EPB41L1: variants seen among roughly 807,000 people sequenced by gnomAD.
EPB41L1 encodes the protein band 4.1-like protein 1.
A neutral mutation model predicts 97.8 loss-of-function variants in EPB41L1; 29 were observed. That is an observed-to-expected ratio of 0.30 (90% CI 0.22 to 0.40). EPB41L1 has a LOEUF of 0.40. EPB41L1 is among the 10% of genes least tolerant of loss of function. The pLI is 1.00. For synonymous variants in EPB41L1, 383 were observed against 459.2 expected (o/e 0.83, Z 2.12); for missense variants, 812 against 1,162.3 (o/e 0.70, Z 4.38).
In EPB41L1 at chr20:36,195,503, C is replaced by T; in HGVS notation, c.1485+139C>T. 9.8e-7 allele frequency: 1 copy of T among 1,024,710 alleles called. No individual in the cohort carries two copies. The highest frequency in any genetic ancestry group is 1.5e-6 in the Non-Finnish European group (1 of 670,450). The allele number at this position is 1,024,710 out of a possible 1,614,324, so 63.5% of individuals were successfully genotyped here. On this transcript the variant is annotated intron_variant, in intron 13 of 21. Coordinates refer to ENST00000338074, the MANE Select transcript of EPB41L1 (RefSeq NM_012156.2). The surrounding 1 kb of genome is among the most constrained non-coding windows in gnomAD (Gnocchi z 4.6). ...TCATCTCTGCTCCCCAGCCATCCCC[C>T]TCTGCAGCCGTCCTTGCTCCCCACT... is the stretch of plus-strand genomic sequence containing the variant.
chr20:36,206,770 G>C lies in EPB41L1; in HGVS notation c.1669-2718G>C, dbSNP rs1367919087. ...AGATGCCCAGTGGGGAGTGGAAGGA[G>C]AGTTTCCCCACCTGACAGCCAGCGC... On this transcript the variant is annotated intron_variant, in intron 14 of 21. Transcript: ENST00000338074. The surrounding 1 kb of genome is among the most constrained non-coding windows in gnomAD (Gnocchi z 5.5). 1.6e-6 allele frequency: 2 copies of C among 1,289,752 alleles called. No homozygotes were observed. The highest frequency in any genetic ancestry group is 2.0e-6 in the Non-Finnish European group (2 of 988,898). The allele number at this position is 1,289,752 out of a possible 1,614,324, so 79.9% of individuals were successfully genotyped here.
intron 21 of EPB41L1, 26 bp downstream of exon 21, chr20:36,222,420 A>G: frequency 1.3e-6 from 2 of 1,571,366 alleles, no homozygotes; most frequent in Non-Finnish European, 8.8e-7. Flanking sequence ...CCCAGCAACC[A>G]TGAGAGAGAG....
At chr20:36,197,145 T>C (rs1304919620) in intron 13 of EPB41L1, among the ~76,000 whole-genome samples, 2 of 152,212 alleles carry the variant, frequency 1.3e-5, no homozygotes, top group African/African-American at 4.8e-5. Flanking sequence ...TCCAGGGTGG[T>C]TGGGGAAGGT....
At chr20:36,114,623 T>C (rs2058528165) in intron 2 of EPB41L1, among the ~76,000 whole-genome samples, 2 of 152,186 alleles carry the variant, frequency 1.3e-5, no homozygotes, top group African/African-American at 4.8e-5. Context: ...CTTTAGTGGA[T>C]CCTGGGGCAG....
Position 36,130,522 on chromosome 20 carries a change from G to C in EPB41L1, c.-10+18042G>C, listed in dbSNP as rs576147675. 5.7e-4 allele frequency among the ~76,000 whole-genome samples: 86 copies of C among 151,810 alleles called. No individual in the cohort carries two copies. In the Middle Eastern group the frequency reaches 0.01, roughly 18 times the overall value. Reference sequence around the variant, plus strand: ...TCAACTCATCCCTTTTCCTGCTCATGGATATTCCGGCTGTTTCTAGTTTTT... The same window carrying C: ...TCAACTCATCCCTTTTCCTGCTCATCGATATTCCGGCTGTTTCTAGTTTTT... On this transcript the variant is annotated intron_variant, in intron 2 of 19. Transcript: ENST00000202028.
intron 14 of EPB41L1, 85 bp downstream of exon 14, chr20:36,198,126 C>A: frequency 4.1e-6 from 5 of 1,229,830 alleles, no homozygotes; most frequent in Non-Finnish European, 5.9e-6. Context: ...TCATCCTCCA[C>A]ACCAATATGC....
intron 1 of EPB41L1, among the ~76,000 whole-genome samples, chr20:36,165,571 C>T (rs1281981089): frequency 6.6e-6 from 1 of 152,118 alleles, no homozygotes; most frequent in Non-Finnish European, 1.5e-5. Flanking sequence ...TGGTGGCATG[C>T]ACCTGTAATC....
intron 2 of EPB41L1, among the ~76,000 whole-genome samples, chr20:36,137,125 A>G (rs1239483873): frequency 7.0e-6 from 1 of 143,266 alleles, no homozygotes; most frequent in Non-Finnish European, 1.5e-5. Flanking sequence ...CCCAGGCTAG[A>G]GTGCAGTGGC....
intron 1 of EPB41L1, among the ~76,000 whole-genome samples, chr20:36,098,932 G>T (rs2057920431): frequency 6.6e-6 from 1 of 152,164 alleles, no homozygotes; most frequent in Non-Finnish European, 1.5e-5. Context: ...AAATTTGAGT[G>T]ATCTGAGGCG....
Position 36,232,294 on chromosome 20 carries a change from GA to G in EPB41L1, c.*2959del. ...ACCCAGGAGGCCATGTAGCATAGTG[GA>G]AAAAGTCCCTGAGGGCGGTTAGGAG... On this transcript the variant is annotated 3_prime_UTR_variant, in exon 22 of 22. Coordinates refer to ENST00000338074, the MANE Select transcript of EPB41L1 (RefSeq NM_012156.2). The G allele has an allele frequency of 7.2e-6, 2 of 277,554 alleles. No homozygotes were observed. The highest frequency in any genetic ancestry group is 1.3e-5 in the Non-Finnish European group (2 of 150,064). The allele number at this position is 277,554 out of a possible 1,614,324, so 17.2% of individuals were successfully genotyped here.
At position 36,206,764 on chromosome 20, in the gene EPB41L1, G is replaced by T. The variant is rs2146729790; in HGVS notation, c.1669-2724G>T. On this transcript the variant is annotated intron_variant, in intron 14 of 21. Coordinates refer to ENST00000338074, the MANE Select transcript of EPB41L1 (RefSeq NM_012156.2). The surrounding 1 kb of genome is among the most constrained non-coding windows in gnomAD (Gnocchi z 5.5). ...CTGGGAAGATGCCCAGTGGGGAGTG[G>T]AAGGAGAGTTTCCCCACCTGACAGC... The T allele has an allele frequency of 7.8e-7, 1 of 1,289,852 alleles. No homozygotes were observed. The highest frequency in any genetic ancestry group is 1.2e-5 in the South Asian group (1 of 81,026). 79.9% of individuals were successfully genotyped at this position (1,289,852 alleles called of 1,614,324 possible).
Position 36,212,240 on chromosome 20 carries a change from G to A in EPB41L1, c.2080-32G>A, listed in dbSNP as rs1311349286. ...GAGCAAGGGTCATGCTAGGGTTTCA[G>A]TTACAGAGCATTCTCCCTCCTTTTC... On this transcript the variant is annotated intron_variant, in intron 15 of 21. Transcript: ENST00000338074. The surrounding 1 kb of genome is among the most constrained non-coding windows in gnomAD (Gnocchi z 4.8). 1 of 1,606,972 alleles carries A rather than the reference G, an allele frequency of 6.2e-7. No homozygotes were observed. The highest frequency in any genetic ancestry group is 2.2e-5 in the East Asian group (1 of 44,842).
intron 2 of EPB41L1, among the ~76,000 whole-genome samples, chr20:36,131,588 G>A (rs1193496163): frequency 2.6e-5 from 4 of 152,110 alleles, no homozygotes. Context: ...CACTTCCTCA[G>A]CTGTAAAGTG....
intron 1 of EPB41L1, among the ~76,000 whole-genome samples, chr20:36,094,193 T>C (rs1392068626): frequency 1.3e-5 from 2 of 152,220 alleles, no homozygotes. Flanking sequence ...TATGTGTGTG[T>C]GTTTTTATAG....
intron 1 of EPB41L1, among the ~76,000 whole-genome samples, chr20:36,098,661 C>T (rs1196731759): frequency 6.6e-6 from 1 of 152,188 alleles, no homozygotes; most frequent in African/African-American, 2.4e-5. Flanking sequence ...TGCAAAGACC[C>T]TGTTTCCAAA....
chr20:36,096,304 C>G (rs934627916), intron 1 of EPB41L1, among the ~76,000 whole-genome samples: 4 of 152,288 alleles, frequency 2.6e-5, no homozygotes, highest in Non-Finnish European at 5.9e-5. Context: ...GTCTTATGAT[C>G]TTGGACAAGT....
chr20:36,229,294 C>T (rs774860811), intron 21 of EPB41L1, 38 bp from the exon 22 acceptor site: 3 of 1,242,470 alleles, frequency 2.4e-6, no homozygotes, highest in East Asian at 2.8e-5. Flanking sequence ...TCCCCCCACT[C>T]CCCACCCCCC....
chr20:36,223,041 C>T (rs769320337), intron 21 of EPB41L1, among the ~76,000 whole-genome samples: 1 of 152,154 alleles, frequency 6.6e-6, no homozygotes, highest in African/African-American at 2.4e-5. Context: ...GGACCACAGG[C>T]GCCCGCCACT....
At chr20:36,183,268 C>T (rs1200572235) in intron 6 of EPB41L1, among the ~76,000 whole-genome samples, 1 of 152,216 alleles carries the variant, frequency 6.6e-6, no homozygotes. Flanking sequence ...AAGCCAGCCC[C>T]TCTCTCCCAT....
Sources: gnomAD v4.1 joint callset for allele counts (sites outside exome capture counted in the v4.1 genomes callset) on GRCh38, gnomAD v4.1.1 for gene constraint, Gnocchi (gnomAD v3.1) non-coding constraint, MANE v1.5 for transcripts, NCBI Gene and HGNC (gene_info 2026-07-23, HGNC 2026-07-21) for gene names.